The following NRP2 variants were observed in gnomAD, a reference collection of about 807,000 sequenced individuals.
The protein encoded by NRP2 is neuropilin-2.
NRP2 carries 52 observed loss-of-function variants against 110.4 expected under a neutral mutation model. The ratio of observed to expected loss-of-function variants is 0.47; its 90% confidence interval spans 0.38 to 0.59. The LOEUF (loss-of-function observed/expected upper bound fraction) is 0.59, where lower values mean the gene tolerates loss of function less well. Among genes scored for constraint, NRP2 ranks in the 20% least tolerant of loss-of-function variants. NRP2 has a pLI of 0.00. For synonymous variants in NRP2, 508 were observed against 468.9 expected, an observed-to-expected ratio of 1.08 and a Z score of -1.08; for missense variants, 1,049 against 1,203.0, an observed-to-expected ratio of 0.87 and a Z score of 1.89.
At chr2:205,776,323 G>C (rs762610229) in intron 15 of NRP2, 2 of 1,613,054 alleles carry the variant, frequency 1.2e-6, no homozygotes, top group East Asian at 2.2e-5. Context: ...CTGGTATTAC[G>C]TAATGGCCGC....
At chr2:205,717,606 A>G (rs2056926251) in intron 3 of NRP2, among the ~76,000 whole-genome samples, 1 of 152,220 alleles carries the variant, frequency 6.6e-6, no homozygotes, top group Non-Finnish European at 1.5e-5. Context: ...ACAGGTCCCA[A>G]GAAGGTTTCT....
At chr2:205,737,441 T>C (rs555074851) in intron 7 of NRP2, among the ~76,000 whole-genome samples, 1 of 151,806 alleles carries the variant, frequency 6.6e-6, no homozygotes, top group African/African-American at 2.4e-5. Context: ...CCGAGGGAGG[T>C]AGAGATATTT....
intron 1 of NRP2, among the ~76,000 whole-genome samples, chr2:205,694,830 TTAAG>T (rs2056390065): frequency 6.6e-6 from 1 of 152,240 alleles, no homozygotes; most frequent in Non-Finnish European, 1.5e-5. Flanking sequence ...AGTAGAATGA[TTAAG>T]TGTGTTTTCT....
chr2:205,770,731 A>G (rs1168998274), intron 15 of NRP2, among the ~76,000 whole-genome samples: 1 of 152,190 alleles, frequency 6.6e-6, no homozygotes, highest in Non-Finnish European at 1.5e-5. Context: ...GGGGTTCCAG[A>G]TAGGCAGCTG....
chr2:205,771,037 C>T (rs529724103), intron 15 of NRP2, among the ~76,000 whole-genome samples: 2 of 152,322 alleles, frequency 1.3e-5, no homozygotes, highest in South Asian at 4.1e-4. Context: ...ACCAACTTTT[C>T]TCTCCAAGAA....
rs927830461 is a variant in NRP2, at chr2:205,797,982, C to A, written c.*2924C>A. On this transcript the variant is annotated 3_prime_UTR_variant, in exon 17 of 17. Coordinates refer to ENST00000357785, the MANE Select transcript of NRP2 (RefSeq NM_003872.3). ...AGGGTTTGCAGTTAGAGGTATTCGA[C>A]CATTCACTGGCTGAGCCAGATCACG... is the stretch of plus-strand genomic sequence containing the variant. 2 of 152,592 alleles carry A rather than the reference C, an allele frequency of 1.3e-5. No homozygotes were observed. The highest frequency in any genetic ancestry group is 4.8e-5 in the African/African-American group (2 of 41,442). 9.5% of individuals were successfully genotyped at this position (152,592 alleles called of 1,614,324 possible).
At chr2:205,776,617 T>C in intron 15 of NRP2, 1 of 1,596,312 alleles carries the variant, frequency 6.3e-7, no homozygotes, top group Non-Finnish European at 8.5e-7. Context: ...GCCTAGTTTC[T>C]GTGTGAACTC....
intron 3 of NRP2, among the ~76,000 whole-genome samples, chr2:205,718,280 C>G (rs2056941263): frequency 6.6e-6 from 1 of 152,220 alleles, no homozygotes; most frequent in African/African-American, 2.4e-5. Flanking sequence ...AATGTTCACT[C>G]TATCCATCAT....
intron 15 of NRP2, among the ~76,000 whole-genome samples, chr2:205,774,443 T>C (rs557946572): frequency 1.6e-4 from 24 of 152,252 alleles, no homozygotes; most frequent in African/African-American, 5.5e-4. Context: ...ATCCTGGGAT[T>C]CTGGGGTCAT....
At chr2:205,744,250 C>T (rs188281808) in intron 9 of NRP2, among the ~76,000 whole-genome samples, 1 of 152,278 alleles carries the variant, frequency 6.6e-6, no homozygotes, top group Non-Finnish European at 1.5e-5. Context: ...GTTCAACACT[C>T]TTTATACACT....
chr2:205,703,526 A>G (rs2056605901), intron 2 of NRP2, among the ~76,000 whole-genome samples: 1 of 152,200 alleles, frequency 6.6e-6, no homozygotes, highest in African/African-American at 2.4e-5. Context: ...CAGATACCCT[A>G]GTTTTCAATC....
chr2:205,737,651 A>G (rs1169507209), intron 7 of NRP2, among the ~76,000 whole-genome samples: 3 of 152,234 alleles, frequency 2.0e-5, no homozygotes, highest in African/African-American at 7.2e-5. Context: ...CAGACAAGAA[A>G]ACAGTTCAGG....
At chr2:205,739,563 C>A (rs997128393) in intron 7 of NRP2, among the ~76,000 whole-genome samples, 11 of 152,010 alleles carry the variant, frequency 7.2e-5, no homozygotes, top group African/African-American at 2.4e-4. Flanking sequence ...TTTACAGAGT[C>A]CCTTGGTTGT....
chr2:205,784,988 C>G (rs188118751), intron 15 of NRP2, among the ~76,000 whole-genome samples: 60 of 152,254 alleles, frequency 3.9e-4, no homozygotes, highest in Non-Finnish European at 3.2e-4. Context: ...CTTGAATGGG[C>G]AGAGAGAGGT....
chr2:205,727,790 AG>A, intron 6 of NRP2, 100 bp from the exon 7 acceptor site: 3 of 1,173,764 alleles, frequency 2.6e-6, no homozygotes, highest in Non-Finnish European at 3.6e-6. Flanking sequence ...TCACAGATAC[AG>A]GTTGGAAGCA....
At chr2:205,780,059 A>G (rs1430365143) in intron 15 of NRP2, among the ~76,000 whole-genome samples, 2 of 152,196 alleles carry the variant, frequency 1.3e-5, no homozygotes, top group Non-Finnish European at 2.9e-5. Flanking sequence ...GGGCTCCGGG[A>G]GAGTGGTACC....
intron 12 of NRP2, among the ~76,000 whole-genome samples, chr2:205,760,030 T>C (rs2057796192): frequency 6.6e-6 from 1 of 152,206 alleles, no homozygotes; most frequent in African/African-American, 2.4e-5. Context: ...CCAATGAGGA[T>C]TCAAATCCTA....
intron 13 of NRP2, among the ~76,000 whole-genome samples, chr2:205,765,104 T>C (rs138023548): frequency 4.6e-5 from 7 of 152,302 alleles, no homozygotes; most frequent in African/African-American, 1.7e-4. Context: ...ATACCTGGAT[T>C]GGGCATTTGA....
At chr2:205,751,670 C>G (rs925382323) in intron 11 of NRP2, among the ~76,000 whole-genome samples, 2 of 152,160 alleles carry the variant, frequency 1.3e-5, no homozygotes, top group African/African-American at 4.8e-5. Flanking sequence ...GTGCCCTGCC[C>G]CCCATGAGGT....
Sources: allele counts gnomAD v4.1 joint callset (sites outside exome capture counted in the v4.1 genomes callset), GRCh38; gene constraint gnomAD v4.1.1; transcripts MANE v1.5; gene names NCBI Gene and HGNC (gene_info 2026-07-23, HGNC 2026-07-21).